Variants in PARP15 observed in about 807,000 individuals in gnomAD.
The protein encoded by PARP15 is poly(ADP-ribose) polymerase family member 15.
In PARP15, 50 loss-of-function variants were observed where a neutral mutation model predicts 62.1. The observed-to-expected ratio is 0.81, with a 90% CI of 0.64 to 1.02. The LOEUF is 1.02. Ranked by LOEUF, PARP15 falls within the 50% of genes least tolerant of loss-of-function variation. The probability of loss-of-function intolerance (pLI) is 0.00; values close to 1 mark genes in which losing one functional copy is unlikely to be tolerated. For missense variants in PARP15, 820 were observed against 826.5 expected, an observed-to-expected ratio of 0.99 and a Z score of 0.10; for synonymous variants, 309 against 293.1, an observed-to-expected ratio of 1.05 and a Z score of -0.55.
chr3:122,634,101 C>T (rs980314430), intron 10 of PARP15, among the ~76,000 whole-genome samples: 2 of 152,174 alleles, frequency 1.3e-5, no homozygotes, highest in African/African-American at 4.8e-5. Context: ...TTGGATTCTC[C>T]TCAACAGCTG....
chr3:122,593,460 C>T (rs12495800), intron 1 of PARP15, among the ~76,000 whole-genome samples: 105,480 of 151,932 alleles, frequency 0.69, 39,106 homozygotes, highest in East Asian at 0.9. Flanking sequence ...TTTTTAAATA[C>T]GTTTTTATCT....
chr3:122,638,330 G>A lies in PARP15; in HGVS notation c.*2230G>A, dbSNP rs1435326501. 5 of 151,992 alleles carry A rather than the reference G, an allele frequency of 3.3e-5. No individual in the cohort carries two copies. Among genetic ancestry groups the A allele is most frequent in the Admixed American group, 3.3e-4 (5 of 15,246 alleles). 9.4% of individuals were successfully genotyped at this position (151,992 alleles called of 1,614,324 possible). A position where few individuals can be genotyped will look rare whatever the true frequency, so the allele number is the denominator to read the frequency against. ...GTATATACCCAGTAATGGGATTGCT[G>A]GGTCAAATGGTATTTCTAGTTCTAG... On this transcript the variant is annotated 3_prime_UTR_variant, in exon 12 of 12. Coordinates refer to ENST00000464300, the MANE Select transcript of PARP15 (RefSeq NM_001113523.3).
rs1936339563 is a variant in PARP15 at position 122,621,520 on chromosome 3, G to A, written c.1140G>A (p.Gly380=). The A allele has an allele frequency of 1.9e-6, 3 of 1,613,794 alleles. No individual in the cohort carries two copies. The highest frequency in any genetic ancestry group is 8.5e-7 in the Non-Finnish European group (1 of 1,179,892). The part of the protein sequence containing the change: ...LKCKIIIHVP[G]GKDVRKTVTS... The stretch of plus-strand genomic sequence containing the variant: ...GCAAAATAATAATTCATGTTCCTGG[G>A]GGAAAAGATGTCAGGAAAACGGTCA... The change falls in exon 8 of 12, where the codon GGG becomes GGA. Residue 380 remains glycine, a synonymous_variant. Coordinates refer to ENST00000464300, the MANE Select transcript of PARP15 (RefSeq NM_001113523.3).
intron 1 of PARP15, among the ~76,000 whole-genome samples, chr3:122,597,518 T>C (rs1461404297): frequency 6.6e-6 from 1 of 152,190 alleles, no homozygotes; most frequent in Non-Finnish European, 1.5e-5. Flanking sequence ...CGCCTTGGCC[T>C]CCCAAAGTGC....
intron 1 of PARP15, among the ~76,000 whole-genome samples, chr3:122,584,481 A>G (rs190064073): frequency 6.9e-4 from 105 of 152,242 alleles, no homozygotes; most frequent in East Asian, 1.5e-3. Context: ...TTAATGAAAA[A>G]ATACCTACAA....
chr3:122,605,960 A>C lies in PARP15; in HGVS notation c.211A>C (p.Lys71Gln). ...SMSRDNKFSK[K>Q]DCLSIRNVVA... Reference sequence around the variant, plus strand: ...GTCCAGAGACAACAAGTTCAGCAAGAAAGATTGTCTTTCAATCAGGAATGT... The same window carrying C: ...GTCCAGAGACAACAAGTTCAGCAAGCAAGATTGTCTTTCAATCAGGAATGT... Residue 71 changes from lysine to glutamine, a missense_variant, in exon 2 of 12, where the codon AAA (lysine) becomes CAA (glutamine). By Grantham distance (53) the Lys-to-Gln change is moderately conservative. Around this residue, in one of 3 missense-constraint regions of PARP15, gnomAD observed 731 missense variants for 727.7 expected, o/e 1.00. Coordinates refer to ENST00000464300, the MANE Select transcript of PARP15 (RefSeq NM_001113523.3). 6.4e-7 allele frequency: 1 copy of C among 1,551,770 alleles called. No homozygotes were observed. Among genetic ancestry groups the C allele is most frequent in the Non-Finnish European group, 8.7e-7 (1 of 1,146,936 alleles).
At chr3:122,619,570 T>G (rs1248814386) in intron 6 of PARP15, among the ~76,000 whole-genome samples, 1 of 152,162 alleles carries the variant, frequency 6.6e-6, no homozygotes, top group African/African-American at 2.4e-5. Context: ...ACGCCAGCCT[T>G]TCAGCTCCTG....
At chr3:122,591,310 TC>T (rs1933888286) in intron 1 of PARP15, among the ~76,000 whole-genome samples, 1 of 152,184 alleles carries the variant, frequency 6.6e-6, no homozygotes, top group South Asian at 2.1e-4. Flanking sequence ...GCAAAAGAGA[TC>T]CTTTACAAGT....
chr3:122,599,110 TG>T (rs1237959726), intron 1 of PARP15, among the ~76,000 whole-genome samples: 1 of 152,138 alleles, frequency 6.6e-6, no homozygotes, highest in Non-Finnish European at 1.5e-5. Flanking sequence ...TTGGGCAGGC[TG>T]GTCTTGAACT....
At chr3:122,635,237 A>G (rs760409242) in intron 11 of PARP15, 43 bp downstream of exon 11, 9 of 1,583,442 alleles carry the variant, frequency 5.7e-6, no homozygotes, top group South Asian at 2.3e-5. Flanking sequence ...AAGGCAAACA[A>G]TAGTCTCAGA....
chr3:122,636,105 A>G lies in PARP15; in HGVS notation c.*5A>G. 6.2e-7 allele frequency: 1 copy of G among 1,604,250 alleles called. No individual in the cohort carries two copies. The highest frequency in any genetic ancestry group is 2.2e-5 in the East Asian group (1 of 44,758). ...CTCATAACTTTCACGGCTTAAAAAT[A>G]TTTTTATCATCAAAGAGATGATTTA... On this transcript the variant is annotated 3_prime_UTR_variant, in exon 12 of 12. Coordinates refer to ENST00000464300, the MANE Select transcript of PARP15 (RefSeq NM_001113523.3).
chr3:122,605,213 G>T (rs1185530479), intron 1 of PARP15, among the ~76,000 whole-genome samples: 1 of 152,070 alleles, frequency 6.6e-6, no homozygotes, highest in Non-Finnish European at 1.5e-5. Context: ...GGTGGTGGGG[G>T]ATTGTGGAGG....
intron 9 of PARP15, among the ~76,000 whole-genome samples, chr3:122,630,800 C>T (rs954045070): frequency 2.0e-5 from 3 of 152,148 alleles, no homozygotes; most frequent in Admixed American, 6.5e-5. Context: ...TTTCCTAAAG[C>T]GCTTTCAGAC....
chr3:122,617,228 G>A, intron 6 of PARP15, 64 bp downstream of exon 6: 1 of 1,497,244 alleles, frequency 6.7e-7, no homozygotes, highest in Non-Finnish European at 9.2e-7. Flanking sequence ...GGAAATTGTG[G>A]CTAATATTTG....
At chr3:122,624,578 CTAA>C (rs1936569986) in intron 8 of PARP15, among the ~76,000 whole-genome samples, 1 of 152,118 alleles carries the variant, frequency 6.6e-6, no homozygotes, top group Non-Finnish European at 1.5e-5. Flanking sequence ...GAGAGGAGCC[CTAA>C]TAATGTCTTC....
intron 8 of PARP15, among the ~76,000 whole-genome samples, chr3:122,623,578 G>A (rs185375813): frequency 2.0e-5 from 3 of 152,160 alleles, no homozygotes; most frequent in Non-Finnish European, 2.9e-5. Flanking sequence ...ACCAATAATC[G>A]TAAGTGTTGG....
At chr3:122,587,800 T>C (rs576220101) in intron 1 of PARP15, among the ~76,000 whole-genome samples, 1 of 152,324 alleles carries the variant, frequency 6.6e-6, no homozygotes, top group Admixed American at 6.5e-5. Context: ...GATTACAGGC[T>C]GGTGTGAGCC....
In PARP15 at chr3:122,613,322, C is replaced by T. The variant is rs185161525; in HGVS notation, c.771+54C>T. 52 of 1,391,286 alleles carry T rather than the reference C, an allele frequency of 3.7e-5. No individual in the cohort carries two copies. The Admixed American group carries it at 4.8e-4, about 13-fold the overall frequency. The allele number at this position is 1,391,286 out of a possible 1,614,324, so 86.2% of individuals were successfully genotyped here. ...TCTGGCAAGTGAACCCAAGCGCATTCAGATGTTTTTATAGATCTAGGAATA... is the reference window on the plus strand; with the variant it reads ...TCTGGCAAGTGAACCCAAGCGCATTTAGATGTTTTTATAGATCTAGGAATA... On this transcript the variant is annotated intron_variant, in intron 4 of 11. Transcript: ENST00000464300.
chr3:122,610,966 T>A (rs1326064483), intron 3 of PARP15, among the ~76,000 whole-genome samples: 1 of 152,232 alleles, frequency 6.6e-6, no homozygotes, highest in Admixed American at 6.5e-5. Context: ...ACCCTCGTAT[T>A]GATTGAACCC....
Sources: gnomAD v4.1 joint callset for allele counts (sites outside exome capture counted in the v4.1 genomes callset) on GRCh38, gnomAD v4.1.1 for gene constraint, gnomAD v4.1.1 regional missense constraint, MANE v1.5 for transcripts, NCBI Gene and HGNC (gene_info 2026-07-23, HGNC 2026-07-21) for gene names.